Variants in HSD17B12 observed in about 807,000 individuals in gnomAD.
HSD17B12 encodes the protein hydroxysteroid 17-beta dehydrogenase 12, also known as very-long-chain 3-oxoacyl-CoA reductase.
A neutral mutation model predicts 39.3 loss-of-function variants in HSD17B12; 32 were observed. That is an observed-to-expected ratio of 0.81 (90% CI 0.61 to 1.09). The LOEUF (loss-of-function observed/expected upper bound fraction) is 1.09, where lower values mean the gene tolerates loss of function less well. Ranked by LOEUF, HSD17B12 falls within the 50% of genes least tolerant of loss-of-function variation. HSD17B12 has a pLI of 0.00. For synonymous variants in HSD17B12, 150 were observed against 146.7 expected (o/e 1.02, Z -0.16); for missense variants, 342 against 382.9 (o/e 0.89, Z 0.89).
chr11:43,644,839 T>A, the HSD17B12 span: 2 of 152,338 alleles, frequency 1.3e-5, no homozygotes, highest in African/African-American at 4.8e-5. Flanking sequence ...TTGCTAATGC[T>A]GAAAGGCAGT....
At chr11:43,828,315 T>G (rs1038853677) in intron 6 of HSD17B12, among the ~76,000 whole-genome samples, 9 of 146,610 alleles carry the variant, frequency 6.1e-5, no homozygotes, top group African/African-American at 2.3e-4. Context: ...GCTAATTTTT[T>G]GTATTTTTAG....
intron 4 of HSD17B12, among the ~76,000 whole-genome samples, chr11:43,815,076 C>G (rs1590322851): frequency 6.6e-6 from 1 of 152,166 alleles, no homozygotes; most frequent in African/African-American, 2.4e-5. Flanking sequence ...ACTCTCCACT[C>G]TTTCTACTGC....
At chr11:43,766,909 C>A (rs563302027) in intron 3 of HSD17B12, among the ~76,000 whole-genome samples, 1 of 152,136 alleles carries the variant, frequency 6.6e-6, no homozygotes, top group African/African-American at 2.4e-5. Context: ...TGTTACCAGT[C>A]GTTTACTCTG....
chr11:43,760,084 A>T (rs1300586439), intron 3 of HSD17B12, among the ~76,000 whole-genome samples: 1 of 151,996 alleles, frequency 6.6e-6, no homozygotes, highest in Non-Finnish European at 1.5e-5. Flanking sequence ...TTTAGTAGAG[A>T]TGGGGGTTTC....
chr11:43,557,986 G>A, the HSD17B12 span, among the ~76,000 whole-genome samples: 1 of 152,178 alleles, frequency 6.6e-6, no homozygotes, highest in Non-Finnish European at 1.5e-5. Flanking sequence ...GCCATGTGAC[G>A]ATAGGGAGGT....
the HSD17B12 span, among the ~76,000 whole-genome samples, chr11:43,651,937 A>G: frequency 6.6e-6 from 1 of 152,218 alleles, no homozygotes. Flanking sequence ...TATAACAAAT[A>G]TGTGTAAGAC....
the HSD17B12 span, among the ~76,000 whole-genome samples, chr11:43,639,511 G>A: frequency 6.6e-6 from 1 of 152,052 alleles, no homozygotes; most frequent in Non-Finnish European, 1.5e-5. Flanking sequence ...AAATGAGAGG[G>A]AGCACTCAAG....
At chr11:43,771,104 G>A (rs1020172951) in intron 3 of HSD17B12, among the ~76,000 whole-genome samples, 1 of 152,144 alleles carries the variant, frequency 6.6e-6, no homozygotes. Context: ...TCTCCCCAGA[G>A]GGAGCCACTA....
At chr11:43,707,247 G>A (rs1250670595) in intron 1 of HSD17B12, among the ~76,000 whole-genome samples, 1 of 152,232 alleles carries the variant, frequency 6.6e-6, no homozygotes, top group Non-Finnish European at 1.5e-5. Flanking sequence ...AGGAAAGATG[G>A]ACAATAAGCA....
intron 6 of HSD17B12, among the ~76,000 whole-genome samples, chr11:43,827,080 G>A (rs1951250317): frequency 6.6e-6 from 1 of 152,140 alleles, no homozygotes; most frequent in African/African-American, 2.4e-5. Context: ...AGGTTTCTTT[G>A]GGGTAGAGGG....
intron 3 of HSD17B12, among the ~76,000 whole-genome samples, chr11:43,768,049 G>C (rs1423977502): frequency 6.6e-6 from 1 of 152,194 alleles, no homozygotes; most frequent in East Asian, 1.9e-4. Context: ...GAAGTCTGGG[G>C]AGAGACCAAC....
At chr11:43,849,709 A>G (rs1443414901) in intron 9 of HSD17B12, among the ~76,000 whole-genome samples, 2 of 151,950 alleles carry the variant, frequency 1.3e-5, no homozygotes, top group African/African-American at 4.8e-5. Context: ...CTTTTTTATC[A>G]TTGCCTGCCA....
At chr11:43,741,605 C>G (rs966863361) in intron 1 of HSD17B12, among the ~76,000 whole-genome samples, 4 of 151,690 alleles carry the variant, frequency 2.6e-5, no homozygotes, top group Admixed American at 2.0e-4. Flanking sequence ...GTTTACCTTT[C>G]TAAAATTTAT....
At chr11:43,568,442 C>G in the HSD17B12 span, among the ~76,000 whole-genome samples, 1 of 152,108 alleles carries the variant, frequency 6.6e-6, no homozygotes, top group African/African-American at 2.4e-5. Context: ...GCCCTCGAGG[C>G]AATTAATTAC....
intron 3 of HSD17B12, among the ~76,000 whole-genome samples, chr11:43,794,633 A>T (rs576612476): frequency 7.9e-5 from 12 of 152,346 alleles, no homozygotes; most frequent in African/African-American, 2.4e-4. Flanking sequence ...GGGATCAGCC[A>T]TTGGATGAGG....
the HSD17B12 span, chr11:43,576,594 T>G: frequency 6.6e-6 from 1 of 152,178 alleles, no homozygotes; most frequent in Non-Finnish European, 1.5e-5. Context: ...TTCTCTCTCT[T>G]AAGGAGTTCC....
In HSD17B12 at chr11:43,754,134, A is replaced by C. The variant is rs1184491826; in HGVS notation, c.283+13A>C. 5 of 1,568,926 alleles carry C rather than the reference A, an allele frequency of 3.2e-6. No individual in the cohort carries two copies. Among genetic ancestry groups the C allele is most frequent in the Non-Finnish European group, 4.4e-6 (5 of 1,140,520 alleles). On this transcript the variant is annotated intron_variant, in intron 3 of 10. Coordinates refer to ENST00000278353, the MANE Select transcript of HSD17B12 (RefSeq NM_016142.3). ...TCCAGTGAAATAAGTAAGTTCTCAC[A>C]TCAAACAAAAGGAATACATAGCTAA...
At chr11:43,651,537 C>T in the HSD17B12 span, among the ~76,000 whole-genome samples, 8 of 152,118 alleles carry the variant, frequency 5.3e-5, no homozygotes, top group African/African-American at 1.7e-4. Flanking sequence ...ATGCTTATAT[C>T]CTAGCAATAA....
chr11:43,619,148 G>T, the HSD17B12 span, among the ~76,000 whole-genome samples: 1 of 86,894 alleles, frequency 1.2e-5, no homozygotes, highest in African/African-American at 3.5e-5. Context: ...CAACAGCCAG[G>T]AAAAAGTATA....
Sources: allele counts gnomAD v4.1 joint callset (sites outside exome capture counted in the v4.1 genomes callset), GRCh38; gene constraint gnomAD v4.1.1; transcripts MANE v1.5; gene names NCBI Gene and HGNC (gene_info 2026-07-23, HGNC 2026-07-21).